Variants in SNX29 observed in about 807,000 individuals in gnomAD.
The protein encoded by SNX29 is sorting nexin 29, also known as sorting nexin-29.
A neutral mutation model predicts 102.1 loss-of-function variants in SNX29; 78 were observed. That is an observed-to-expected ratio of 0.76 (90% CI 0.64 to 0.92). The LOEUF is 0.92. Ranked by LOEUF, SNX29 falls within the 40% of genes least tolerant of loss-of-function variation. The probability of loss-of-function intolerance (pLI) is 0.00; values close to 1 mark genes in which losing one functional copy is unlikely to be tolerated. For synonymous variants in SNX29, 580 were observed against 414.5 expected (o/e 1.40, Z -4.85); for missense variants, 1,280 against 1,061.7 (o/e 1.21, Z -2.86).
At chr16:12,477,934 C>G (rs961210155) in intron 19 of SNX29, 75 bp downstream of exon 19, 2 of 1,461,336 alleles carry the variant, frequency 1.4e-6, no homozygotes, top group African/African-American at 1.4e-5. Context: ...TTCTTTAGTC[C>G]GTTGCTTAAA....
In SNX29 at chr16:12,572,470, G is replaced by C. The variant is rs150566821; in HGVS notation, c.*3841G>C. The C allele has an allele frequency of 1.3e-4, 142 of 1,063,834 alleles. 1 individual carries two copies. The African/African-American group carries it at 2.0e-3, about 15-fold the overall frequency. The allele number at this position is 1,063,834 out of a possible 1,614,324, so 65.9% of individuals were successfully genotyped here. A position where few individuals can be genotyped will look rare whatever the true frequency, so the allele number is the denominator to read the frequency against. Reference sequence around the variant, plus strand: ...CTGCATGGTACATTTTGCCAACCCTGAGGACCAGTTCTTGGGGTTCCAGGC... The same window carrying C: ...CTGCATGGTACATTTTGCCAACCCTCAGGACCAGTTCTTGGGGTTCCAGGC... On this transcript the variant is annotated 3_prime_UTR_variant, in exon 21 of 21. Transcript: ENST00000566228.
At chr16:12,547,796 G>T (rs1006174426) in intron 20 of SNX29, among the ~76,000 whole-genome samples, 8 of 152,160 alleles carry the variant, frequency 5.3e-5, no homozygotes, top group Admixed American at 2.0e-4. Flanking sequence ...GAACAGAATG[G>T]GCTCAAGAAT....
chr16:12,545,559 C>G (rs2301218), intron 20 of SNX29: 2 of 152,062 alleles, frequency 1.3e-5, no homozygotes, highest in Non-Finnish European at 2.9e-5. Flanking sequence ...TATGGAGAAA[C>G]GTTTGAGTAG....
chr16:12,106,790 T>G (rs1344565902), intron 11 of SNX29, among the ~76,000 whole-genome samples: 1 of 151,320 alleles, frequency 6.6e-6, no homozygotes, highest in Admixed American at 6.6e-5. Flanking sequence ...CCCTTTTATT[T>G]AAGGGTATAC....
At chr16:12,149,059 G>A (rs956205115) in intron 13 of SNX29, among the ~76,000 whole-genome samples, 1 of 152,128 alleles carries the variant, frequency 6.6e-6, no homozygotes, top group Non-Finnish European at 1.5e-5. Context: ...GACAATGCCT[G>A]GCACATAATA....
chr16:12,569,039 A>C lies in SNX29; in HGVS notation c.*410A>C, dbSNP rs528797536. 19 of 224,982 alleles carry C rather than the reference A, an allele frequency of 8.4e-5. No individual in the cohort carries two copies. Among genetic ancestry groups the C allele is most frequent in the Non-Finnish European group, 3.4e-5 (4 of 117,018 alleles). 13.9% of individuals were successfully genotyped at this position (224,982 alleles called of 1,614,324 possible). ...AGAGCCAGCCTCTCCACTCTTTCCC[A>C]CGTGGGGACTAGAATGACTATTAGC... is the stretch of plus-strand genomic sequence containing the variant. On this transcript the variant is annotated 3_prime_UTR_variant, in exon 21 of 21. Transcript: ENST00000566228.
chr16:12,564,934 TAAA>T (rs6145751), intron 20 of SNX29, among the ~76,000 whole-genome samples: 1,539 of 144,858 alleles, frequency 0.011, 10 homozygotes, highest in Middle Eastern at 0.041. Context: ...ACCTTGGTGT[TAAA>T]AAAAAAAAAA....
At chr16:12,167,095 A>G (rs1278005872) in intron 13 of SNX29, among the ~76,000 whole-genome samples, 4 of 152,202 alleles carry the variant, frequency 2.6e-5, no homozygotes, top group Admixed American at 6.5e-5. Flanking sequence ...GGGGCATGCT[A>G]TGATGAAGTC....
intron 19 of SNX29, among the ~76,000 whole-genome samples, chr16:12,503,920 G>A (rs1022968998): frequency 6.6e-6 from 1 of 152,050 alleles, no homozygotes; most frequent in Admixed American, 6.6e-5. Flanking sequence ...CACACCATAC[G>A]ATTTAACCAT....
At chr16:12,388,866 A>G (rs1419016452) in intron 16 of SNX29, among the ~76,000 whole-genome samples, 3 of 152,220 alleles carry the variant, frequency 2.0e-5, no homozygotes, top group Admixed American at 2.0e-4. Flanking sequence ...TCTATTTGCA[A>G]GAGGACATTT....
chr16:12,561,354 T>C (rs1014784338), intron 20 of SNX29, among the ~76,000 whole-genome samples: 5 of 151,996 alleles, frequency 3.3e-5, no homozygotes, highest in Non-Finnish European at 7.4e-5. Context: ...CTCACAGACT[T>C]ATGAGGGAGC....
chr16:12,268,582 C>T (rs894049236), intron 14 of SNX29, among the ~76,000 whole-genome samples: 9 of 152,290 alleles, frequency 5.9e-5, no homozygotes, highest in African/African-American at 2.2e-4. Flanking sequence ...CTGGAAGGGT[C>T]CTTTCTCCTT....
intron 19 of SNX29, among the ~76,000 whole-genome samples, chr16:12,520,231 C>T (rs1245244698): frequency 6.6e-6 from 1 of 152,206 alleles, no homozygotes; most frequent in East Asian, 1.9e-4. Context: ...CCTGCCCCTG[C>T]ACCCAGGTGT....
chr16:12,237,853 A>G (rs2077984266), intron 14 of SNX29, among the ~76,000 whole-genome samples: 1 of 152,226 alleles, frequency 6.6e-6, no homozygotes, highest in Admixed American at 6.5e-5. Flanking sequence ...GGTTGCAGTG[A>G]GCTGAGATCA....
chr16:12,076,302 CCTTTT>C (rs1159689551), intron 10 of SNX29, among the ~76,000 whole-genome samples: 1 of 146,846 alleles, frequency 6.8e-6, no homozygotes, highest in Non-Finnish European at 1.5e-5. Flanking sequence ...TTGGCTCCTC[CCTTTT>C]TTTTTTTTTT....
chr16:12,515,555 CCT>C (rs1156535096), intron 19 of SNX29: 1 of 492,352 alleles, frequency 2.0e-6, no homozygotes, highest in African/African-American at 1.9e-5. Flanking sequence ...TCCTTGCTGG[CCT>C]CTCTGCTTCC....
At chr16:12,532,820 G>T (rs2076968025) in intron 20 of SNX29, among the ~76,000 whole-genome samples, 1 of 152,212 alleles carries the variant, frequency 6.6e-6, no homozygotes. Context: ...AGACAGCCTG[G>T]TCAGCCTAGC....
chr16:12,148,864 A>AT (rs561510628), intron 13 of SNX29, among the ~76,000 whole-genome samples: 22 of 151,048 alleles, frequency 1.5e-4, no homozygotes, highest in Admixed American at 4.6e-4. Flanking sequence ...TGCTCAGCTA[A>AT]TTTTTTTTTG....
At chr16:12,030,929 C>A (rs965959079) in intron 4 of SNX29, among the ~76,000 whole-genome samples, 1 of 152,182 alleles carries the variant, frequency 6.6e-6, no homozygotes, top group Non-Finnish European at 1.5e-5. Flanking sequence ...TCCCCTCCTG[C>A]CACGCCCCTG....
Sources: allele counts gnomAD v4.1 joint callset (sites outside exome capture counted in the v4.1 genomes callset), GRCh38; gene constraint gnomAD v4.1.1; transcripts MANE v1.5; gene names NCBI Gene and HGNC (gene_info 2026-07-23, HGNC 2026-07-21).